LINGO2: variants seen among roughly 807,000 people sequenced by gnomAD.
The protein encoded by LINGO2 is leucine rich repeat and Ig domain containing 2.
Under a neutral mutation model 30.6 loss-of-function variants are expected in LINGO2, and 14 were observed. The observed-to-expected ratio is 0.46, with a 90% CI of 0.30 to 0.72. The LOEUF (loss-of-function observed/expected upper bound fraction) is 0.72, where lower values mean the gene tolerates loss of function less well. Among genes scored for constraint, LINGO2 ranks in the 30% least tolerant of loss-of-function variants. The pLI is 0.07. For missense variants in LINGO2, 729 were observed against 751.7 expected, an observed-to-expected ratio of 0.97 and a Z score of 0.35; for synonymous variants, 317 against 288.5, an observed-to-expected ratio of 1.10 and a Z score of -1.00.
the LINGO2 span, among the ~76,000 whole-genome samples, chr9:28,938,585 T>A: frequency 8.5e-5 from 13 of 152,292 alleles, no homozygotes; most frequent in Non-Finnish European, 1.9e-4. Context: ...CTTGGCACAA[T>A]GCATTATCTT....
At chr9:29,160,655 A>G in the LINGO2 span, among the ~76,000 whole-genome samples, 2 of 152,228 alleles carry the variant, frequency 1.3e-5, no homozygotes, top group East Asian at 1.9e-4. Context: ...TATAGATTTG[A>G]TTATTTAAAT....
At chr9:27,957,274 G>T (rs530605026) in intron 5 of LINGO2, among the ~76,000 whole-genome samples, 85 of 152,164 alleles carry the variant, frequency 5.6e-4, no homozygotes, top group African/African-American at 1.9e-3. Context: ...CAGTACGGCT[G>T]TCTTGGTTAC....
chr9:28,953,527 T>C, the LINGO2 span, among the ~76,000 whole-genome samples: 1 of 152,116 alleles, frequency 6.6e-6, no homozygotes, highest in East Asian at 1.9e-4. Flanking sequence ...AAGATAATTA[T>C]ATTTTCCAAA....
intron 1 of LINGO2, among the ~76,000 whole-genome samples, chr9:28,597,910 G>A (rs192142302): frequency 1.4e-3 from 206 of 152,034 alleles, no homozygotes; most frequent in Admixed American, 5.0e-3. Flanking sequence ...GATTACAGGC[G>A]TGTGGCATCA....
chr9:28,718,360 C>T, the LINGO2 span, among the ~76,000 whole-genome samples: 1 of 152,032 alleles, frequency 6.6e-6, no homozygotes, highest in Admixed American at 6.6e-5. Context: ...AGTCTCCTGG[C>T]AGCCCTCTAA....
At chr9:28,200,366 T>G (rs1047709806) in intron 4 of LINGO2, among the ~76,000 whole-genome samples, 4 of 152,214 alleles carry the variant, frequency 2.6e-5, no homozygotes, top group Middle Eastern at 3.4e-3. Flanking sequence ...GCCTCCAAAT[T>G]TGGAAGAATA....
chr9:28,769,317 G>A, the LINGO2 span, among the ~76,000 whole-genome samples: 1 of 149,368 alleles, frequency 6.7e-6, no homozygotes, highest in Non-Finnish European at 1.5e-5. Flanking sequence ...ATATTTAATA[G>A]GAAAATATCC....
chr9:28,348,218 G>C (rs1223901302), intron 3 of LINGO2, among the ~76,000 whole-genome samples: 1 of 152,136 alleles, frequency 6.6e-6, no homozygotes, highest in Admixed American at 6.6e-5. Flanking sequence ...GGTGATTTCT[G>C]CATTTCCATC....
At chr9:28,563,824 G>C (rs1823226113) in intron 1 of LINGO2, among the ~76,000 whole-genome samples, 1 of 152,120 alleles carries the variant, frequency 6.6e-6, no homozygotes. Context: ...CGCGGCTGCT[G>C]AGCCAAGTAA....
At position 28,150,413 on chromosome 9, in the gene LINGO2, G is replaced by A. The variant is rs1213143391; in HGVS notation, c.-86-138008C>T. ...ATTCTGGCCAACATGGTGAAACTCC[G>A]TCTCTACTGAAAATACAAGAATTAG... On this transcript the variant is annotated intron_variant, in intron 4 of 5. Coordinates refer to ENST00000379992, the Ensembl canonical transcript of LINGO2. Among the ~76,000 whole-genome samples, 4 of 152,274 alleles carry A rather than the reference G, an allele frequency of 2.6e-5. No homozygotes were observed. The East Asian group carries it at 5.8e-4, about 22-fold the overall frequency.
At chr9:28,847,639 C>A in the LINGO2 span, among the ~76,000 whole-genome samples, 1 of 144,394 alleles carries the variant, frequency 6.9e-6, no homozygotes, top group Non-Finnish European at 1.5e-5. Context: ...AAAATGAGTC[C>A]ATTGCACATT....
At chr9:29,200,689 C>T in the LINGO2 span, among the ~76,000 whole-genome samples, 2 of 152,002 alleles carry the variant, frequency 1.3e-5, no homozygotes, top group Non-Finnish European at 2.9e-5. Flanking sequence ...GTTACATTGC[C>T]GTTAACTACA....
chr9:28,195,923 G>C lies in LINGO2; in HGVS notation c.-87+99285C>G, dbSNP rs143241811. 3.0e-3 allele frequency among the ~76,000 whole-genome samples: 453 copies of C among 151,564 alleles called. 7 individuals carry two copies. Among genetic ancestry groups the C allele is most frequent in the African/African-American group, 0.011 (440 of 41,442 alleles). On this transcript the variant is annotated intron_variant, in intron 4 of 5. Transcript: ENST00000379992. ...AGTTATCAGCAAATCAAATTAGTCA[G>C]CACTATAAAATAACAATAATCCATG...
intron 4 of LINGO2, among the ~76,000 whole-genome samples, chr9:28,142,131 G>A (rs957503393): frequency 6.8e-6 from 1 of 147,878 alleles, no homozygotes; most frequent in Admixed American, 6.8e-5. Flanking sequence ...TGTTTTCTTT[G>A]GAACTGATTG....
In LINGO2 at chr9:28,022,027, T is replaced by C. The variant is rs7868075; in HGVS notation, c.-86-9622A>G. Among the ~76,000 whole-genome samples, 956 of 152,228 alleles carry C rather than the reference T, an allele frequency of 6.3e-3. 7 individuals are homozygous for C. The highest frequency in any genetic ancestry group is 0.022 in the African/African-American group (894 of 41,568). ...CATATTTGAATTGTTTTATATTTGT[T>C]ACATTTGTTCTTGGTTCTTTTCTGC... On this transcript the variant is annotated intron_variant, in intron 4 of 5. Transcript: ENST00000379992.
chr9:28,258,946 G>T, intron 4 of LINGO2, among the ~76,000 whole-genome samples: 1 of 151,264 alleles, frequency 6.6e-6, no homozygotes, highest in East Asian at 1.9e-4. Flanking sequence ...TAAGTTTCAA[G>T]GCAAGAAAAT....
the LINGO2 span, among the ~76,000 whole-genome samples, chr9:28,959,087 C>T: frequency 6.6e-6 from 1 of 152,054 alleles, no homozygotes; most frequent in African/African-American, 2.4e-5. Flanking sequence ...AAGTGCCTGT[C>T]ACCCTGCATG....
intron 5 of LINGO2, among the ~76,000 whole-genome samples, chr9:27,975,098 A>T (rs146601796): frequency 6.6e-6 from 1 of 152,098 alleles, no homozygotes; most frequent in Admixed American, 6.6e-5. Context: ...CTCATGATGT[A>T]TTTAGCTTTA....
intron 1 of LINGO2, among the ~76,000 whole-genome samples, chr9:28,626,844 G>A (rs1457563778): frequency 1.3e-5 from 2 of 151,048 alleles, no homozygotes; most frequent in East Asian, 3.9e-4. Flanking sequence ...GTGTGTGTGT[G>A]TCTTCCATTA....
Sources: gnomAD v4.1 joint callset for allele counts (sites outside exome capture counted in the v4.1 genomes callset) on GRCh38, gnomAD v4.1.1 for gene constraint, MANE v1.5 for transcripts, NCBI Gene and HGNC (gene_info 2026-07-23, HGNC 2026-07-21) for gene names.